Variants in HBS1L observed in about 807,000 individuals in gnomAD.
HBS1L encodes HBS1-like protein.
HBS1L carries 55 observed loss-of-function variants against 88.9 expected under a neutral mutation model. The observed-to-expected ratio is 0.62, with a 90% CI of 0.50 to 0.77. HBS1L has a LOEUF of 0.77. Among genes scored for constraint, HBS1L ranks in the 30% least tolerant of loss-of-function variants. The pLI, the probability that HBS1L is intolerant of heterozygous loss-of-function variation, is 0.00. For missense variants in HBS1L, 741 were observed against 829.3 expected (o/e 0.89, Z 1.31); for synonymous variants, 267 against 288.5 (o/e 0.93, Z 0.76).
At chr6:134,972,821 A>G (rs1774528486) in intron 15 of HBS1L, among the ~76,000 whole-genome samples, 1 of 152,262 alleles carries the variant, frequency 6.6e-6, no homozygotes, top group Non-Finnish European at 1.5e-5. Flanking sequence ...AAAGATGTTC[A>G]GCATCTAATT....
chr6:135,005,728 G>A (rs1775592075), intron 4 of HBS1L, among the ~76,000 whole-genome samples: 1 of 152,124 alleles, frequency 6.6e-6, no homozygotes, highest in African/African-American at 2.4e-5. Context: ...AGAATGAGAT[G>A]GAATCCAAAG....
Position 135,048,322 on chromosome 6 carries a change from T to C in HBS1L, c.109+2260A>G, listed in dbSNP as rs528589319. 3.3e-5 allele frequency among the ~76,000 whole-genome samples: 5 copies of C among 152,286 alleles called. No homozygotes were observed. In the South Asian group the frequency reaches 1.0e-3, roughly 32 times the overall value. ...CCAGAACCAGCTTCAATTTGCCTCTTCACTCCCCAGACAACACGACCAGCC... is the reference window on the plus strand; with the variant it reads ...CCAGAACCAGCTTCAATTTGCCTCTCCACTCCCCAGACAACACGACCAGCC... On this transcript the variant is annotated intron_variant, in intron 2 of 17. Transcript: ENST00000367837.
At chr6:135,020,526 T>A (rs1392843151) in intron 4 of HBS1L, among the ~76,000 whole-genome samples, 1 of 152,022 alleles carries the variant, frequency 6.6e-6, no homozygotes, top group Non-Finnish European at 1.5e-5. Flanking sequence ...TTATCTTTTA[T>A]CCACTGTCAA....
chr6:134,993,942 G>T, intron 7 of HBS1L, 67 bp from the exon 8 acceptor site: 1 of 627,312 alleles, frequency 1.6e-6, no homozygotes, highest in Non-Finnish European at 2.7e-6. Flanking sequence ...ATTAATAATA[G>T]TCTACATGAC....
intron 4 of HBS1L, chr6:135,036,362 A>C (rs1202086483): frequency 7.9e-7 from 1 of 1,258,140 alleles, no homozygotes; most frequent in African/African-American, 1.5e-5. Context: ...TTACCAACTT[A>C]AATAAAGCCA....
chr6:135,010,872 G>C (rs1368344222), intron 4 of HBS1L, among the ~76,000 whole-genome samples: 1 of 152,054 alleles, frequency 6.6e-6, no homozygotes, highest in Non-Finnish European at 1.5e-5. Flanking sequence ...AATTAGAATA[G>C]GGCATCTGCA....
rs944923321 is a variant in HBS1L, at chr6:134,964,179, G to A, written c.*1100C>T. 9 of 151,308 alleles carry A rather than the reference G, an allele frequency of 5.9e-5. No homozygotes were observed. Among genetic ancestry groups the A allele is most frequent in the African/African-American group, 1.9e-4 (8 of 41,330 alleles). 9.4% of individuals were successfully genotyped at this position (151,308 alleles called of 1,614,324 possible). On this transcript the variant is annotated 3_prime_UTR_variant, in exon 18 of 18. Coordinates refer to ENST00000367837, the MANE Select transcript of HBS1L (RefSeq NM_006620.4). ...GTTAAGCCATCGATATACAAATCAC[G>A]CTGCTAATAAAAAAAAAAGCTTATC...
At chr6:135,050,062 G>C (rs977803973) in intron 2 of HBS1L, among the ~76,000 whole-genome samples, 11 of 152,230 alleles carry the variant, frequency 7.2e-5, no homozygotes, top group Non-Finnish European at 8.8e-5. Context: ...TGATAATCTA[G>C]AAGATGCAGC....
intron 4 of HBS1L, among the ~76,000 whole-genome samples, chr6:135,007,707 G>A (rs1014479969): frequency 6.6e-6 from 1 of 152,134 alleles, no homozygotes; most frequent in Non-Finnish European, 1.5e-5. Flanking sequence ...AGATCAATAA[G>A]AGATACATAT....
chr6:135,028,938 C>T (rs1776311914), intron 4 of HBS1L, among the ~76,000 whole-genome samples: 1 of 151,548 alleles, frequency 6.6e-6, no homozygotes, highest in African/African-American at 2.4e-5. Flanking sequence ...TGTGAGATAA[C>T]TCAGAAAAAC....
chr6:134,974,187 T>C (rs569420265), intron 15 of HBS1L, among the ~76,000 whole-genome samples: 1 of 151,798 alleles, frequency 6.6e-6, no homozygotes, highest in African/African-American at 2.4e-5. Flanking sequence ...CATACAACCC[T>C]CCAAGCTTGA....
At chr6:135,054,236 T>G (rs1018817549) in intron 1 of HBS1L, among the ~76,000 whole-genome samples, 2 of 152,232 alleles carry the variant, frequency 1.3e-5, no homozygotes, top group Non-Finnish European at 2.9e-5. Flanking sequence ...ATTAAGTCAA[T>G]CTGTGTTTTA....
At chr6:134,989,234 A>C (rs1042287985) in intron 8 of HBS1L, among the ~76,000 whole-genome samples, 1 of 152,194 alleles carries the variant, frequency 6.6e-6, no homozygotes, top group African/African-American at 2.4e-5. Context: ...CTGTCAATGC[A>C]CTGTAGGGGC....
chr6:135,045,490 C>A (rs991239794), intron 2 of HBS1L, among the ~76,000 whole-genome samples: 1 of 152,086 alleles, frequency 6.6e-6, no homozygotes, highest in Non-Finnish European at 1.5e-5. Context: ...GCTTCTTCCC[C>A]GGGAGATTAT....
In HBS1L at chr6:134,990,675, T is replaced by A. The variant is rs571873168; in HGVS notation, c.1084-2884A>T. Among the ~76,000 whole-genome samples the A allele has an allele frequency of 5.3e-5, 8 of 152,304 alleles. No homozygotes were observed. The South Asian group carries it at 1.7e-3, about 32-fold the overall frequency. The stretch of plus-strand genomic sequence containing the variant: ...AGGTGATTCTCCCACTTCAGTTTCC[T>A]GAGTAAGTGAGGCTACAGGCACCTG... On this transcript the variant is annotated intron_variant, in intron 8 of 17. Transcript: ENST00000367837.
At chr6:135,037,505 C>A in intron 4 of HBS1L, 1 of 1,549,320 alleles carries the variant, frequency 6.5e-7, no homozygotes, top group Non-Finnish European at 8.7e-7. Flanking sequence ...TTTGAACTTC[C>A]TAAACTGTCC....
chr6:134,980,102 TG>T (rs1774784250), intron 13 of HBS1L, among the ~76,000 whole-genome samples: 1 of 152,040 alleles, frequency 6.6e-6, no homozygotes, highest in Non-Finnish European at 1.5e-5. Flanking sequence ...TCCATAGAAA[TG>T]TAGGCCTTTT....
intron 4 of HBS1L, among the ~76,000 whole-genome samples, chr6:135,035,609 G>C (rs1035767568): frequency 3.2e-4 from 48 of 151,220 alleles, no homozygotes; most frequent in African/African-American, 1.1e-3. Flanking sequence ...AAATTAGCCG[G>C]GTGTGGTGGT....
chr6:134,995,328 T>C (rs1775259646), intron 7 of HBS1L, among the ~76,000 whole-genome samples: 1 of 152,094 alleles, frequency 6.6e-6, no homozygotes, highest in Non-Finnish European at 1.5e-5. Context: ...GTAAATGCTA[T>C]TAAGGAACAT....
Sources: gnomAD v4.1 joint callset for allele counts (sites outside exome capture counted in the v4.1 genomes callset) on GRCh38, gnomAD v4.1.1 for gene constraint, MANE v1.5 for transcripts, NCBI Gene and HGNC (gene_info 2026-07-23, HGNC 2026-07-21) for gene names.